Variants in ADA observed in about 807,000 individuals in gnomAD.
ADA encodes adenosine deaminase, also known as adenosine aminohydrolase.
In ADA, 45 loss-of-function variants were observed where a neutral mutation model predicts 49.0. The observed-to-expected ratio is 0.92, with a 90% CI of 0.72 to 1.18. The LOEUF is 1.18. Among genes scored for constraint, ADA ranks in the 50% most tolerant of loss-of-function variants. The probability of loss-of-function intolerance (pLI) is 0.00; values close to 1 mark genes in which losing one functional copy is unlikely to be tolerated. For missense variants in ADA, 445 were observed against 472.5 expected (o/e 0.94, Z 0.54); for synonymous variants, 173 against 184.2 (o/e 0.94, Z 0.49).
At chr20:44,627,545 CT>C (rs1215177241) in intron 3 of ADA, among the ~76,000 whole-genome samples, 4 of 152,168 alleles carry the variant, frequency 2.6e-5, no homozygotes, top group African/African-American at 9.7e-5. Flanking sequence ...CTCCCAGGTC[CT>C]TATCACTACT....
At chr20:44,642,422 G>A (rs1321002936) in intron 1 of ADA, among the ~76,000 whole-genome samples, 2 of 152,244 alleles carry the variant, frequency 1.3e-5, no homozygotes, top group Non-Finnish European at 2.9e-5. Flanking sequence ...GGGCAATTTA[G>A]AAAGTGTGTT....
intron 2 of ADA, chr20:44,635,960 G>A: frequency 1.9e-6 from 1 of 521,834 alleles, no homozygotes; most frequent in Non-Finnish European, 3.5e-6. Context: ...ATGTGGGTGG[G>A]TGGGGAGAGC....
At chr20:44,628,967 C>G (rs1474909851) in intron 3 of ADA, 80 bp downstream of exon 3, 25 of 1,604,298 alleles carry the variant, frequency 1.6e-5, no homozygotes, top group Non-Finnish European at 2.1e-5. Context: ...TTCTCTGGCC[C>G]CCACAGGCTG....
chr20:44,620,887 A>C, intron 10 of ADA, 131 bp downstream of exon 10: 1 of 1,230,322 alleles, frequency 8.1e-7, no homozygotes, highest in Non-Finnish European at 1.2e-6. Context: ...GAAAGTGTCT[A>C]GGTTGGGCTT....
intron 9 of ADA, among the ~76,000 whole-genome samples, chr20:44,622,189 CAG>C (rs1491195829): frequency 1.3e-5 from 2 of 152,232 alleles, no homozygotes; most frequent in East Asian, 1.9e-4. Flanking sequence ...AGATGGCGCT[CAG>C]GGGAATGCCC....
chr20:44,637,447 C>T (rs557486362), intron 1 of ADA, among the ~76,000 whole-genome samples: 3 of 152,298 alleles, frequency 2.0e-5, no homozygotes, highest in Admixed American at 6.5e-5. Context: ...AGAAGCACAG[C>T]AGGCAGTGGG....
chr20:44,621,181 C>T, intron 9 of ADA, 34 bp from the exon 10 acceptor site: 2 of 1,613,958 alleles, frequency 1.2e-6, no homozygotes, highest in Non-Finnish European at 8.5e-7. Context: ...AATCAGCCTC[C>T]TTTTACTCTT....
intron 2 of ADA, among the ~76,000 whole-genome samples, chr20:44,629,950 C>G (rs1333758722): frequency 6.6e-6 from 1 of 152,102 alleles, no homozygotes; most frequent in Non-Finnish European, 1.5e-5. Flanking sequence ...CTCCTCATCC[C>G]ATCCCGGCTC....
intron 5 of ADA, among the ~76,000 whole-genome samples, chr20:44,624,633 G>A (rs926407409): frequency 2.6e-5 from 4 of 152,188 alleles, no homozygotes; most frequent in East Asian, 3.8e-4. Flanking sequence ...TAAATGACAC[G>A]GACCCTTCTC....
At chr20:44,620,266 G>C in intron 11 of ADA, 33 bp downstream of exon 11, 3 of 1,583,772 alleles carry the variant, frequency 1.9e-6, no homozygotes, top group Middle Eastern at 1.9e-4. Flanking sequence ...GCCAGGACAG[G>C]GCAACTGCCC....
chr20:44,649,424 T>C (rs991779252), intron 1 of ADA, among the ~76,000 whole-genome samples: 4 of 151,926 alleles, frequency 2.6e-5, no homozygotes, highest in African/African-American at 9.7e-5. Context: ...CAGGTAACAT[T>C]CTACCTTCAC....
At chr20:44,638,875 C>G (rs6031686) in intron 1 of ADA, among the ~76,000 whole-genome samples, 10 of 152,140 alleles carry the variant, frequency 6.6e-5, no homozygotes, top group African/African-American at 2.4e-4. Context: ...GAGGAACCCA[C>G]AACACAAGGC....
rs2065347319 is a variant in ADA, at chr20:44,622,987, T to C, written c.678+20A>G. 2.5e-6 allele frequency: 4 copies of C among 1,614,058 alleles called. No individual in the cohort carries two copies. The highest frequency in any genetic ancestry group is 1.3e-5 in the African/African-American group (1 of 74,922). ...GAGGAGGCAGTGAGGAGGGACCCCA[T>C]GGCCAGCCCAGGCCCTCACCTCTTT... On this transcript the variant is annotated intron_variant, in intron 7 of 11. Transcript: ENST00000372874.
chr20:44,622,509 G>A lies in ADA; in HGVS notation c.845+79C>T, dbSNP rs557267829. The A allele has an allele frequency of 4.6e-4, 703 of 1,520,560 alleles. 7 individuals carry two copies. The South Asian group carries it at 7.6e-3, about 17-fold the overall frequency. The allele number at this position is 1,520,560 out of a possible 1,614,324, so 94.2% of individuals were successfully genotyped here. On this transcript the variant is annotated intron_variant, in intron 9 of 11. Transcript: ENST00000372874. ...ATATCTAAAAGACGCGGCATGGGCT[G>A]ATGCCCAATCCCTAAAGTTTCTTCC...
chr20:44,648,411 A>G (rs1313128721), intron 1 of ADA, among the ~76,000 whole-genome samples: 1 of 152,136 alleles, frequency 6.6e-6, no homozygotes, highest in African/African-American at 2.4e-5. Flanking sequence ...GTCGTTATCT[A>G]TGAGGAACAT....
chr20:44,631,037 G>C (rs1230357040), intron 2 of ADA, among the ~76,000 whole-genome samples: 1 of 152,086 alleles, frequency 6.6e-6, no homozygotes, highest in Non-Finnish European at 1.5e-5. Context: ...GAATAAAGGA[G>C]GAAAGTGCCA....
At chr20:44,639,064 C>T (rs962085073) in intron 1 of ADA, among the ~76,000 whole-genome samples, 2 of 152,128 alleles carry the variant, frequency 1.3e-5, no homozygotes, top group Admixed American at 1.3e-4. Flanking sequence ...GTGCGGGCCA[C>T]GAGGAGTCAG....
intron 2 of ADA, among the ~76,000 whole-genome samples, chr20:44,633,080 A>G (rs962708490): frequency 3.9e-5 from 6 of 152,232 alleles, no homozygotes; most frequent in African/African-American, 1.4e-4. Flanking sequence ...GGTGGGCAAC[A>G]CAGTCACAAG....
intron 1 of ADA, among the ~76,000 whole-genome samples, chr20:44,643,214 C>T (rs2065554610): frequency 6.6e-6 from 1 of 152,154 alleles, no homozygotes; most frequent in African/African-American, 2.4e-5. Context: ...TGTGCTAGAC[C>T]ATCTATATGC....
Sources: allele counts gnomAD v4.1 joint callset (sites outside exome capture counted in the v4.1 genomes callset), GRCh38; gene constraint gnomAD v4.1.1; transcripts MANE v1.5; gene names NCBI Gene and HGNC (gene_info 2026-07-23, HGNC 2026-07-21).